The following SGIP1 variants were observed in gnomAD, a reference collection of about 807,000 sequenced individuals.
The protein encoded by SGIP1 is SH3-containing GRB2-like protein 3-interacting protein 1.
SGIP1 carries 38 observed loss-of-function variants against 107.5 expected under a neutral mutation model. That is an observed-to-expected ratio of 0.35 (90% CI 0.27 to 0.46). SGIP1 has a LOEUF of 0.46. Among genes scored for constraint, SGIP1 ranks in the 20% least tolerant of loss-of-function variants. The pLI, the probability that SGIP1 is intolerant of heterozygous loss-of-function variation, is 1.00. For missense variants in SGIP1, 929 were observed against 1,019.5 expected (o/e 0.91, Z 1.21); for synonymous variants, 365 against 366.1 (o/e 1.00, Z 0.03).
chr1:66,719,882 G>A (rs1270936094), intron 19 of SGIP1, among the ~76,000 whole-genome samples: 1 of 152,114 alleles, frequency 6.6e-6, no homozygotes, highest in Non-Finnish European at 1.5e-5. Flanking sequence ...ACACGAAGTA[G>A]CAAGGGAACA....
intron 1 of SGIP1, among the ~76,000 whole-genome samples, chr1:66,604,718 A>G (rs1325579489): frequency 2.6e-5 from 4 of 152,186 alleles, no homozygotes; most frequent in Non-Finnish European, 5.9e-5. Flanking sequence ...TGAGTTACTG[A>G]ATTGGATCAG....
At chr1:66,576,404 T>C (rs1257248726) in intron 1 of SGIP1, among the ~76,000 whole-genome samples, 1 of 152,220 alleles carries the variant, frequency 6.6e-6, no homozygotes, top group Non-Finnish European at 1.5e-5. Flanking sequence ...AAAGTCTGGC[T>C]GAGCCGCATA....
In SGIP1 at chr1:66,721,332, T is replaced by C. The variant is rs188774159; in HGVS notation, c.1742+1927T>C. ...GTTATTCCAGTTCTAAGAAAATTTA[T>C]CACTGACTACTGACCTTATACCTTA... On this transcript the variant is annotated intron_variant, in intron 19 of 24. Coordinates refer to ENST00000371037, the MANE Select transcript of SGIP1 (RefSeq NM_032291.4). Among the ~76,000 whole-genome samples, 8 of 152,374 alleles carry C rather than the reference T, an allele frequency of 5.3e-5. No homozygotes were observed. The East Asian group carries it at 5.8e-4, about 11-fold the overall frequency.
intron 11 of SGIP1, among the ~76,000 whole-genome samples, chr1:66,672,935 G>A (rs545313139): frequency 6.6e-6 from 1 of 152,206 alleles, no homozygotes; most frequent in East Asian, 1.9e-4. Context: ...GGGGAGAAAG[G>A]TGCTTTGCAA....
Position 66,749,560 on chromosome 1 carries a change from A to G in SGIP1, c.*6465A>G, listed in dbSNP as rs1010415958. 6.6e-6 allele frequency among the ~76,000 whole-genome samples: 1 copy of G among 151,910 alleles called. No homozygotes were observed. Among genetic ancestry groups the G allele is most frequent in the Non-Finnish European group, 1.5e-5 (1 of 67,916 alleles). On this transcript the variant is annotated 3_prime_UTR_variant, in exon 25 of 25. Transcript: ENST00000371037. ...CTTCCTGGTTAAATTGTCTGTTATC[A>G]TATAGAAAAGAATCAAACTGAATCA...
chr1:66,715,843 T>A (rs1459274040), intron 18 of SGIP1, among the ~76,000 whole-genome samples: 2 of 152,312 alleles, frequency 1.3e-5, no homozygotes, highest in Middle Eastern at 3.4e-3. Context: ...TTTACACTTG[T>A]TTCTGCTGAT....
At chr1:66,561,704 C>T (rs892701331) in intron 1 of SGIP1, among the ~76,000 whole-genome samples, 3 of 151,984 alleles carry the variant, frequency 2.0e-5, no homozygotes, top group South Asian at 2.1e-4. Flanking sequence ...GGAAGACACT[C>T]GGTCCCACCT....
intron 15 of SGIP1, among the ~76,000 whole-genome samples, chr1:66,684,771 A>G (rs574003867): frequency 6.6e-6 from 1 of 152,354 alleles, no homozygotes; most frequent in African/African-American, 2.4e-5. Context: ...TTAGGAAGAA[A>G]GGAAACTTTG....
intron 8 of SGIP1, among the ~76,000 whole-genome samples, chr1:66,664,862 A>G (rs2082212168): frequency 6.6e-6 from 1 of 152,232 alleles, no homozygotes; most frequent in African/African-American, 2.4e-5. Flanking sequence ...GCTCCTAAAG[A>G]GGCAGAGCTA....
intron 1 of SGIP1, among the ~76,000 whole-genome samples, chr1:66,621,482 G>A (rs1246191202): frequency 6.6e-6 from 1 of 152,088 alleles, no homozygotes; most frequent in Non-Finnish European, 1.5e-5. Context: ...GGCCATTTTA[G>A]AGTGTAAAAC....
chr1:66,707,510 T>A (rs1053909803), intron 18 of SGIP1, among the ~76,000 whole-genome samples: 5 of 152,234 alleles, frequency 3.3e-5, no homozygotes, highest in Non-Finnish European at 5.9e-5. Context: ...AATTTACTTA[T>A]AAATTATTGC....
Position 66,747,441 on chromosome 1 carries a change from T to C in SGIP1, c.*4346T>C, listed in dbSNP as rs143794496. The C allele has an allele frequency of 6.6e-6, 1 of 152,174 alleles. No individual in the cohort carries two copies. The highest frequency in any genetic ancestry group is 1.9e-4 in the East Asian group (1 of 5,192). 9.4% of individuals were successfully genotyped at this position (152,174 alleles called of 1,614,324 possible). A position where few individuals can be genotyped will look rare whatever the true frequency, so the allele number is the denominator to read the frequency against. The stretch of plus-strand genomic sequence containing the variant: ...TTCTTAAAGTTACTCTGTTATACTA[T>C]CTCAGTCTCAAAGTAGCCTGAAATG... On this transcript the variant is annotated 3_prime_UTR_variant, in exon 25 of 25. Coordinates refer to ENST00000371037, the MANE Select transcript of SGIP1 (RefSeq NM_032291.4).
chr1:66,571,328 C>T (rs1231385536), intron 1 of SGIP1, among the ~76,000 whole-genome samples: 2 of 151,938 alleles, frequency 1.3e-5, no homozygotes, highest in East Asian at 1.9e-4. Context: ...TCATTACAAC[C>T]TAGTACAACA....
chr1:66,535,601 C>T (rs1215275360), intron 1 of SGIP1, among the ~76,000 whole-genome samples: 1 of 152,102 alleles, frequency 6.6e-6, no homozygotes, highest in South Asian at 2.1e-4. Context: ...AGAGTCAAAA[C>T]CCACAGATTT....
chr1:66,577,087 G>T (rs890322712), intron 1 of SGIP1, among the ~76,000 whole-genome samples: 2 of 152,202 alleles, frequency 1.3e-5, no homozygotes, highest in African/African-American at 4.8e-5. Context: ...CTACCTGCCT[G>T]TTAAATGCTG....
At chr1:66,553,087 T>G (rs1165850251) in intron 1 of SGIP1, among the ~76,000 whole-genome samples, 2 of 152,122 alleles carry the variant, frequency 1.3e-5, no homozygotes, top group African/African-American at 4.8e-5. Flanking sequence ...TTCACAATGC[T>G]GGGACGACAG....
chr1:66,748,126 C>T lies in SGIP1; in HGVS notation c.*5031C>T, dbSNP rs1429512801. 6.6e-6 allele frequency: 1 copy of T among 151,906 alleles called. No individual in the cohort carries two copies. The highest frequency in any genetic ancestry group is 2.1e-4 in the South Asian group (1 of 4,820). 9.4% of individuals were successfully genotyped at this position (151,906 alleles called of 1,614,324 possible). ...CTCTTAAGGTTTTATTGTATTTTCCCTGCTCCTTTAGGCTTTTTTTTCATG... is the reference window on the plus strand; with the variant it reads ...CTCTTAAGGTTTTATTGTATTTTCCTTGCTCCTTTAGGCTTTTTTTTCATG... On this transcript the variant is annotated 3_prime_UTR_variant, in exon 25 of 25. Transcript: ENST00000371037.
chr1:66,583,933 T>C (rs927412380), intron 1 of SGIP1, among the ~76,000 whole-genome samples: 1 of 152,170 alleles, frequency 6.6e-6, no homozygotes, highest in African/African-American at 2.4e-5. Flanking sequence ...GAACTAAAAG[T>C]TGTACTTGGC....
chr1:66,589,163 C>CATATATAT (rs55788345), intron 1 of SGIP1, among the ~76,000 whole-genome samples: 6 of 69,830 alleles, frequency 8.6e-5, no homozygotes, highest in Admixed American at 4.8e-4. Context: ...TAAAAGTTTA[C>CATATATAT]ATATATATAT....
Sources: gnomAD v4.1 joint callset for allele counts (sites outside exome capture counted in the v4.1 genomes callset) on GRCh38, gnomAD v4.1.1 for gene constraint, MANE v1.5 for transcripts, NCBI Gene and HGNC (gene_info 2026-07-23, HGNC 2026-07-21) for gene names.